The following VPS50 variants were observed in gnomAD, a reference collection of about 807,000 sequenced individuals.
VPS50 encodes the protein VPS50 subunit of EARP/GARPII complex.
A neutral mutation model predicts 139.7 loss-of-function variants in VPS50; 70 were observed. The observed-to-expected ratio is 0.50, with a 90% CI of 0.41 to 0.61. VPS50 has a LOEUF of 0.61. VPS50 is among the 20% of genes least tolerant of loss of function. The pLI, the probability that VPS50 is intolerant of heterozygous loss-of-function variation, is 0.00. For synonymous variants in VPS50, 365 were observed against 376.7 expected, an observed-to-expected ratio of 0.97 and a Z score of 0.36; for missense variants, 921 against 1,133.7, an observed-to-expected ratio of 0.81 and a Z score of 2.69.
At chr7:93,297,093 T>C (rs1234075609) in intron 15 of VPS50, 52 bp from the exon 16 acceptor site, 1 of 1,527,886 alleles carries the variant, frequency 6.5e-7, no homozygotes, top group East Asian at 2.5e-5. Context: ...CACACTTCTT[T>C]TTCTCTATAA....
rs539323707 is a variant in VPS50 at position 93,289,766 on chromosome 7, A to G, written c.943-1937A>G. ...TCCCAAAACTATTTGTAAAGAAAAC[A>G]CTATCTTCATCTAAGTGATGTGCGA... On this transcript the variant is annotated intron_variant, in intron 12 of 27. Coordinates refer to ENST00000305866, the MANE Select transcript of VPS50 (RefSeq NM_017667.4). 2.8e-4 allele frequency among the ~76,000 whole-genome samples: 43 copies of G among 152,218 alleles called. 1 individual carries two copies. Among genetic ancestry groups the G allele is most frequent in the African/African-American group, 9.9e-4 (41 of 41,574 alleles).
intron 20 of VPS50, chr7:93,320,382 T>C (rs1289293273): frequency 6.6e-6 from 1 of 150,410 alleles, no homozygotes; most frequent in Non-Finnish European, 1.5e-5. Context: ...TTAGACGGAG[T>C]CTCACTCTGT....
intron 9 of VPS50, among the ~76,000 whole-genome samples, chr7:93,266,112 C>T (rs925928861): frequency 4.6e-5 from 7 of 152,158 alleles, no homozygotes; most frequent in Admixed American, 1.3e-4. Context: ...GGAATAGGCT[C>T]TGATTTAAAC....
chr7:93,261,929 G>A (rs752049496), intron 9 of VPS50, among the ~76,000 whole-genome samples: 1 of 152,142 alleles, frequency 6.6e-6, no homozygotes, highest in Non-Finnish European at 1.5e-5. Context: ...TGGATTTATA[G>A]CAACAAAGAA....
At chr7:93,321,573 A>G (rs992679991) in intron 20 of VPS50, among the ~76,000 whole-genome samples, 1 of 152,234 alleles carries the variant, frequency 6.6e-6, no homozygotes, top group Non-Finnish European at 1.5e-5. Context: ...GTATATAGTA[A>G]GCCTTCAAAA....
At chr7:93,269,724 G>A (rs1795949404) in intron 9 of VPS50, among the ~76,000 whole-genome samples, 1 of 152,026 alleles carries the variant, frequency 6.6e-6, no homozygotes, top group African/African-American at 2.4e-5. Context: ...GATATTGTCA[G>A]GGGGTTGTGC....
chr7:93,279,000 AT>A (rs1394693179), intron 12 of VPS50, among the ~76,000 whole-genome samples: 2 of 152,196 alleles, frequency 1.3e-5, no homozygotes, highest in South Asian at 4.1e-4. Flanking sequence ...GGTGAGAATA[AT>A]AGCAAATATT....
At chr7:93,355,775 C>T (rs1468663497) in intron 26 of VPS50, 116 bp from the exon 27 acceptor site, 2 of 541,964 alleles carry the variant, frequency 3.7e-6, no homozygotes, top group Non-Finnish European at 6.5e-6. Flanking sequence ...TTCCTATAAC[C>T]CTCTCATTTC....
chr7:93,316,523 G>T (rs1797434153), intron 20 of VPS50, among the ~76,000 whole-genome samples: 1 of 152,162 alleles, frequency 6.6e-6, no homozygotes. Context: ...ATATAGAGAA[G>T]AAGATGGATT....
chr7:93,301,567 G>A (rs1311314800), intron 16 of VPS50, among the ~76,000 whole-genome samples: 1 of 152,080 alleles, frequency 6.6e-6, no homozygotes, highest in Non-Finnish European at 1.5e-5. Context: ...AAATTACTGT[G>A]TAATAAATAC....
chr7:93,308,462 GT>G (rs888436995), intron 18 of VPS50, among the ~76,000 whole-genome samples: 9 of 151,692 alleles, frequency 5.9e-5, no homozygotes, highest in Non-Finnish European at 8.8e-5. Flanking sequence ...TTTTTAATGA[GT>G]TTTATTAGCA....
chr7:93,243,726 T>A (rs925096466), intron 2 of VPS50, among the ~76,000 whole-genome samples: 1 of 151,964 alleles, frequency 6.6e-6, no homozygotes, highest in African/African-American at 2.4e-5. Flanking sequence ...TGTTATAATA[T>A]ATGATAGTAG....
rs1400488084 is a variant in VPS50, at chr7:93,236,969, T to TC, written c.34-2896dup. ...TTTTTTTTTTTTTTTTTTTTTTTTT[T>TC]CGAGACAGTCTCACTCTGTCGCCCA... On this transcript the variant is annotated intron_variant, in intron 1 of 27. Coordinates refer to ENST00000305866, the MANE Select transcript of VPS50 (RefSeq NM_017667.4). Among the ~76,000 whole-genome samples the TC allele has an allele frequency of 4.9e-5, 6 of 122,886 alleles. 1 individual carries two copies. In the South Asian group the frequency reaches 1.3e-3, roughly 27 times the overall value. 80.6% of individuals were successfully genotyped at this position (122,886 alleles called of 152,430 possible).
At chr7:93,278,950 C>G (rs1020594951) in intron 12 of VPS50, among the ~76,000 whole-genome samples, 10 of 152,120 alleles carry the variant, frequency 6.6e-5, no homozygotes, top group Admixed American at 2.6e-4. Flanking sequence ...TTTATTCAAG[C>G]TGTGCTAAAA....
At chr7:93,287,809 G>A (rs1796534847) in intron 12 of VPS50, among the ~76,000 whole-genome samples, 1 of 152,046 alleles carries the variant, frequency 6.6e-6, no homozygotes, top group Non-Finnish European at 1.5e-5. Context: ...CTTGGAAAAG[G>A]TTTTTAGTCT....
At chr7:93,344,211 CA>C (rs752475108) in intron 23 of VPS50, among the ~76,000 whole-genome samples, 83 of 152,200 alleles carry the variant, frequency 5.5e-4, no homozygotes, top group Non-Finnish European at 1.1e-3. Context: ...TTTAAACCAA[CA>C]AAGATCAAAA....
At chr7:93,297,328 AT>A in intron 16 of VPS50, 85 bp downstream of exon 16, 1 of 1,251,830 alleles carries the variant, frequency 8.0e-7, no homozygotes, top group African/African-American at 1.6e-5. Context: ...GCATTAATTG[AT>A]TTTAAACAAT....
chr7:93,358,371 A>G lies in VPS50; in HGVS notation c.2830A>G (p.Ile944Val). The G allele has an allele frequency of 6.2e-7, 1 of 1,612,236 alleles. No homozygotes were observed. Among genetic ancestry groups the G allele is most frequent in the Non-Finnish European group, 8.5e-7 (1 of 1,178,432 alleles). Reference protein sequence around the residue: ...NLVNVCLGSHINKKARQKLLA... With the variant: ...NLVNVCLGSHVNKKARQKLLA... ...GGTGAATGTTTGCCTGGGATCCCATATCAATAAGAAAGCAAGACAAAAACT... is the reference window on the plus strand; with the variant it reads ...GGTGAATGTTTGCCTGGGATCCCATGTCAATAAGAAAGCAAGACAAAAACT... Residue 944 changes from isoleucine (I) to valine (V), a missense_variant, in exon 28 of 28, where the codon ATC becomes GTC. This residue lies in a region of VPS50 where 158 missense variants were observed against 156.3 expected (regional missense o/e 1.01). Coordinates refer to ENST00000305866, the MANE Select transcript of VPS50 (RefSeq NM_017667.4).
At chr7:93,265,622 T>TGGTA (rs2116863550) in intron 9 of VPS50, among the ~76,000 whole-genome samples, 1 of 152,250 alleles carries the variant, frequency 6.6e-6, no homozygotes, top group East Asian at 1.9e-4. Flanking sequence ...TGGAGTGCAG[T>TGGTA]GGTACAATCT....
Sources: gnomAD v4.1 joint callset for allele counts (sites outside exome capture counted in the v4.1 genomes callset) on GRCh38, gnomAD v4.1.1 for gene constraint, gnomAD v4.1.1 regional missense constraint, MANE v1.5 for transcripts, NCBI Gene and HGNC (gene_info 2026-07-23, HGNC 2026-07-21) for gene names.